COL24A1: variants seen among roughly 807,000 people sequenced by gnomAD.
COL24A1 encodes collagen alpha-1(XXIV) chain.
A neutral mutation model predicts 253.9 loss-of-function variants in COL24A1; 224 were observed. The observed-to-expected ratio is 0.88, with a 90% CI of 0.79 to 0.99. The LOEUF is 0.99. Ranked by LOEUF, COL24A1 falls within the 50% of genes least tolerant of loss-of-function variation. The pLI is 0.00. For missense variants in COL24A1, 2,131 were observed against 2,068.5 expected, an observed-to-expected ratio of 1.03 and a Z score of -0.59; for synonymous variants, 685 against 673.7, an observed-to-expected ratio of 1.02 and a Z score of -0.26.
rs535357249 is a variant in COL24A1 at position 85,988,766 on chromosome 1, A to G, written c.2311-1112T>C. 1.8e-4 allele frequency among the ~76,000 whole-genome samples: 27 copies of G among 152,260 alleles called. No individual in the cohort carries two copies. In the South Asian group the frequency reaches 4.8e-3, roughly 27 times the overall value. On this transcript the variant is annotated intron_variant, in intron 19 of 59. Coordinates refer to ENST00000370571, the MANE Select transcript of COL24A1 (RefSeq NM_152890.7). ...TTCTGGGATATTCATTCTGGAAAGA[A>G]AAACAAATAATAAGAAAATGATACC...
intron 39 of COL24A1, among the ~76,000 whole-genome samples, chr1:85,847,105 C>T (rs7530839): frequency 0.19 from 29,466 of 152,026 alleles, 3,231 homozygotes; most frequent in Non-Finnish European, 0.24. Flanking sequence ...TAAATACATT[C>T]GCAATATAAT....
intron 45 of COL24A1, among the ~76,000 whole-genome samples, chr1:85,822,809 T>C (rs112030368): frequency 5.1e-4 from 78 of 152,292 alleles, no homozygotes; most frequent in Admixed American, 5.2e-4. Flanking sequence ...ACCCTTGATA[T>C]TTGATATCTA....
At chr1:85,975,343 C>T (rs1200934917) in intron 20 of COL24A1, among the ~76,000 whole-genome samples, 3 of 152,124 alleles carry the variant, frequency 2.0e-5, no homozygotes, top group Non-Finnish European at 2.9e-5. Context: ...CTCACAATAG[C>T]CAAAATACAG....
chr1:85,755,679 T>C (rs933766851), intron 55 of COL24A1, among the ~76,000 whole-genome samples: 4 of 152,072 alleles, frequency 2.6e-5, no homozygotes, highest in Non-Finnish European at 5.9e-5. Flanking sequence ...CCACATGGGA[T>C]AGAATGAAGT....
chr1:85,984,412 T>C (rs1268983733), intron 20 of COL24A1, among the ~76,000 whole-genome samples: 1 of 151,834 alleles, frequency 6.6e-6, no homozygotes, highest in Non-Finnish European at 1.5e-5. Context: ...ATTATGATTA[T>C]TTTTTATCTC....
intron 24 of COL24A1, among the ~76,000 whole-genome samples, chr1:85,942,840 A>G (rs1179069081): frequency 6.6e-6 from 1 of 152,102 alleles, no homozygotes; most frequent in Non-Finnish European, 1.5e-5. Context: ...GAAATTATAG[A>G]TGGTGTGAGG....
At chr1:86,122,432 G>GT (rs1329525019) in intron 3 of COL24A1, among the ~76,000 whole-genome samples, 1 of 151,774 alleles carries the variant, frequency 6.6e-6, no homozygotes, top group African/African-American at 2.4e-5. Context: ...CAACTCTATA[G>GT]TTTCAACTAT....
At chr1:85,948,779 C>T (rs990240202) in intron 24 of COL24A1, among the ~76,000 whole-genome samples, 1 of 151,244 alleles carries the variant, frequency 6.6e-6, no homozygotes, top group Non-Finnish European at 1.5e-5. Context: ...AAGAAATCTT[C>T]AAGCCAATAT....
At chr1:85,911,021 G>C (rs1409358650) in intron 25 of COL24A1, among the ~76,000 whole-genome samples, 2 of 151,814 alleles carry the variant, frequency 1.3e-5, no homozygotes, top group Non-Finnish European at 2.9e-5. Flanking sequence ...AAGATGGGGA[G>C]AGAGAAAGGT....
At position 85,853,324 on chromosome 1, in the gene COL24A1, G is replaced by C. The variant is rs186521128; in HGVS notation, c.3301-3918C>G. ...CTTGTTCTTTTTCTATGGCTGCATA[G>C]GATTCCATGGTGTATACATACCACT... On this transcript the variant is annotated intron_variant, in intron 37 of 59. Transcript: ENST00000370571. 5.9e-4 allele frequency among the ~76,000 whole-genome samples: 90 copies of C among 152,272 alleles called. 1 individual carries two copies. The highest frequency in any genetic ancestry group is 2.1e-3 in the African/African-American group (86 of 41,558).
At chr1:86,053,793 A>AAAAAAAATACCG (rs1700485807) in intron 10 of COL24A1, among the ~76,000 whole-genome samples, 1 of 152,052 alleles carries the variant, frequency 6.6e-6, no homozygotes, top group African/African-American at 2.4e-5. Flanking sequence ...AAAAAATACC[A>AAAAAAAATACCG]ACAAATAACT....
chr1:85,887,347 G>A (rs1325454283), intron 32 of COL24A1, among the ~76,000 whole-genome samples: 1 of 152,084 alleles, frequency 6.6e-6, no homozygotes, highest in Admixed American at 6.5e-5. Flanking sequence ...TATTGAAGGC[G>A]ATTGGGTACA....
intron 4 of COL24A1, among the ~76,000 whole-genome samples, chr1:86,113,343 G>T (rs1230782158): frequency 1.3e-5 from 2 of 152,100 alleles, no homozygotes; most frequent in Non-Finnish European, 2.9e-5. Flanking sequence ...ATGTCTCCAG[G>T]TTCCCTATGC....
intron 53 of COL24A1, among the ~76,000 whole-genome samples, chr1:85,771,152 T>C (rs1253754723): frequency 1.3e-5 from 2 of 152,180 alleles, no homozygotes; most frequent in African/African-American, 4.8e-5. Context: ...GTGCAGAACG[T>C]GCAGGTTTGT....
At chr1:85,947,842 C>T (rs887247046) in intron 24 of COL24A1, among the ~76,000 whole-genome samples, 4 of 152,184 alleles carry the variant, frequency 2.6e-5, no homozygotes, top group Non-Finnish European at 5.9e-5. Flanking sequence ...AGCCCCTCAA[C>T]CCCCGACAAT....
chr1:86,142,632 T>C lies in COL24A1; in HGVS notation c.121+3487A>G, dbSNP rs142923653. ...AAGTGATGAAAAATCTCACATAAAG[T>C]AGTACATAAAACAAAGACGGAAAAT... On this transcript the variant is annotated intron_variant, in intron 2 of 59. Coordinates refer to ENST00000370571, the MANE Select transcript of COL24A1 (RefSeq NM_152890.7). 7.5e-4 allele frequency among the ~76,000 whole-genome samples: 113 copies of C among 150,120 alleles called. 1 individual carries two copies. Among genetic ancestry groups the C allele is most frequent in the African/African-American group, 2.7e-3 (111 of 41,020 alleles).
intron 41 of COL24A1, among the ~76,000 whole-genome samples, 198 bp downstream of exon 41, chr1:85,841,870 C>T (rs1213303255): frequency 6.6e-6 from 1 of 152,116 alleles, no homozygotes; most frequent in Non-Finnish European, 1.5e-5. Flanking sequence ...AGTCTTGAAA[C>T]AACCCATGGA....
intron 2 of COL24A1, among the ~76,000 whole-genome samples, chr1:86,142,700 T>A (rs1008413035): frequency 1.3e-5 from 2 of 151,956 alleles, no homozygotes; most frequent in Non-Finnish European, 2.9e-5. Flanking sequence ...TACTGAAGAT[T>A]TAATATTTAA....
intron 12 of COL24A1, among the ~76,000 whole-genome samples, chr1:86,040,324 T>C (rs1699373893): frequency 6.6e-6 from 1 of 151,972 alleles, no homozygotes; most frequent in African/African-American, 2.4e-5. Flanking sequence ...TTTTATTTAT[T>C]ATTATTACAC....
Sources: gnomAD v4.1 joint callset for allele counts (sites outside exome capture counted in the v4.1 genomes callset) on GRCh38, gnomAD v4.1.1 for gene constraint, MANE v1.5 for transcripts, NCBI Gene and HGNC (gene_info 2026-07-23, HGNC 2026-07-21) for gene names.